Variants in KIF26A observed in about 807,000 individuals in gnomAD.
KIF26A encodes kinesin-like protein KIF26A.
KIF26A carries 74 observed loss-of-function variants against 126.0 expected under a neutral mutation model. The ratio of observed to expected loss-of-function variants is 0.59; its 90% CI spans 0.49 to 0.71. The LOEUF (loss-of-function observed/expected upper bound fraction) is 0.71, where lower values mean the gene tolerates loss of function less well. KIF26A is among the 30% of genes least tolerant of loss of function. The pLI is 0.00. For missense variants in KIF26A, 2,984 were observed against 2,763.3 expected (o/e 1.08, Z -1.79); for synonymous variants, 1,445 against 1,232.7 (o/e 1.17, Z -3.61).
In KIF26A at chr14:104,152,256, C is replaced by T. The variant is rs200710494; in HGVS notation, c.530C>T (p.Ala177Val). 111 of 1,594,798 alleles carry T rather than the reference C, an allele frequency of 7.0e-5. No homozygotes were observed. In the South Asian group the frequency reaches 8.0e-4, roughly 12 times the overall value. ...AGCTCGAGGGACACGCCAGGACCAG[C>T]GGGTCCTGCAGGGAGGCAGCCAGGA... ...TTSSRDTPGP[A>V]GPAGRQPGRA... The change falls in exon 3 of 15, where the codon GCG becomes GTG. Residue 177 changes from alanine to valine, a missense_variant. Ala to Val is a moderately conservative substitution (Grantham distance 64). Coordinates refer to ENST00000423312, the MANE Select transcript of KIF26A (RefSeq NM_015656.2). The surrounding 1 kb of genome is among the most constrained non-coding windows in gnomAD (Gnocchi z 5.9).
At chr14:104,179,493 T>C (rs775851735) in intron 14 of KIF26A, 107 bp downstream of exon 14, 72 of 1,424,698 alleles carry the variant, frequency 5.1e-5, no homozygotes, top group Admixed American at 2.4e-4. Context: ...GTGGGAAGGC[T>C]GGAAGGCAGG....
In KIF26A at chr14:104,177,443, C is replaced by G. The variant is rs1479837523; in HGVS notation, c.4655C>G (p.Thr1552Ser). ...PSVGAKAGRG[T>S]VMGTKQALRA... Reference sequence around the variant, plus strand: ...GTCGGGGCGAAGGCTGGCCGGGGTACCGTCATGGGCACAAAGCAGGCGCTC... The same window carrying G: ...GTCGGGGCGAAGGCTGGCCGGGGTAGCGTCATGGGCACAAAGCAGGCGCTC... Residue 1552 changes from threonine (T) to serine (S), a missense_variant, in exon 12 of 15, where the codon ACC (threonine) becomes AGC (serine). By Grantham distance (58) the Thr-to-Ser change is moderately conservative. Coordinates refer to ENST00000423312, the MANE Select transcript of KIF26A (RefSeq NM_015656.2). The G allele has an allele frequency of 1.3e-6, 2 of 1,522,190 alleles. No homozygotes were observed. Among genetic ancestry groups the G allele is most frequent in the Admixed American group, 2.0e-5 (1 of 49,544 alleles). 94.3% of individuals were successfully genotyped at this position (1,522,190 alleles called of 1,614,324 possible). A position where few individuals can be genotyped will look rare whatever the true frequency, so the allele number is the denominator to read the frequency against.
Position 104,175,393 on chromosome 14 carries a change from G to A in KIF26A, c.2605G>A (p.Ala869Thr), listed in dbSNP as rs199506535. 1 of 1,596,870 alleles carries A rather than the reference G, an allele frequency of 6.3e-7. No individual in the cohort carries two copies. Among genetic ancestry groups the A allele is most frequent in the Non-Finnish European group, 8.5e-7 (1 of 1,176,956 alleles). Residue 869 changes from alanine to threonine, a missense_variant, in exon 12 of 15, where the codon GCC (alanine) becomes ACC (threonine). Ala to Thr is a moderately conservative substitution (Grantham distance 58). Transcript: ENST00000423312. ...GGPGGTDGAQ[A>T]SPARGGRKPS... Reference sequence around the variant, plus strand: ...TCCAGGTGGCACCGACGGAGCTCAGGCCAGCCCCGCCCGAGGGGGCCGGAA... The same window carrying A: ...TCCAGGTGGCACCGACGGAGCTCAGACCAGCCCCGCCCGAGGGGGCCGGAA...
intron 4 of KIF26A, among the ~76,000 whole-genome samples, chr14:104,162,034 A>G (rs1469353449): frequency 6.6e-6 from 1 of 152,186 alleles, no homozygotes; most frequent in African/African-American, 2.4e-5. Flanking sequence ...TGTTGAACCC[A>G]AGCGTGGTAG....
At chr14:104,146,808 G>A (rs1293077918) in intron 2 of KIF26A, among the ~76,000 whole-genome samples, 2 of 152,174 alleles carry the variant, frequency 1.3e-5, no homozygotes, top group African/African-American at 4.8e-5. Flanking sequence ...GATGGGCCTG[G>A]CTGGAGCTCA....
rs751963452 is a variant in KIF26A at position 104,177,007 on chromosome 14, C to T, written c.4219C>T (p.Arg1407Trp). 79 of 1,551,734 alleles carry T rather than the reference C, an allele frequency of 5.1e-5. No homozygotes were observed. Among genetic ancestry groups the T allele is most frequent in the Non-Finnish European group, 5.7e-5 (66 of 1,156,070 alleles). The change falls in exon 12 of 15, where the codon CGG becomes TGG. Residue 1407 changes from arginine to tryptophan, a missense_variant. Coordinates refer to ENST00000423312, the MANE Select transcript of KIF26A (RefSeq NM_015656.2). ...GGAGGAGGAGCCCAGACCCAGCAGCCGGGCTGACCACTCTGTCCCCAGGGC... is the reference window on the plus strand; with the variant it reads ...GGAGGAGGAGCCCAGACCCAGCAGCTGGGCTGACCACTCTGTCCCCAGGGC... ...RGEEEPRPSS[R>W]ADHSVPRATS...
chr14:104,145,390 C>T (rs1001035360), intron 2 of KIF26A, among the ~76,000 whole-genome samples: 1 of 152,216 alleles, frequency 6.6e-6, no homozygotes, highest in African/African-American at 2.4e-5. Context: ...CACCTGTCCC[C>T]GACCCCAGCA....
In KIF26A at chr14:104,171,920, C is replaced by T. The variant is rs958366981; in HGVS notation, c.1311C>T (p.Pro437=). 1.9e-6 allele frequency: 3 copies of T among 1,553,788 alleles called. No individual in the cohort carries two copies. The African/African-American group carries it at 4.1e-5, about 21-fold the overall frequency. The change falls in exon 6 of 15, where the codon CCC becomes CCT. Residue 437 remains proline (P), a synonymous_variant. Coordinates refer to ENST00000423312, the MANE Select transcript of KIF26A (RefSeq NM_015656.2). ...TGTTTGCCTTCGATGCCGTCTTCCCCCAGGACTCCGAGCAGGTACGGGCAG... is the reference window on the plus strand; with the variant it reads ...TGTTTGCCTTCGATGCCGTCTTCCCTCAGGACTCCGAGCAGGTACGGGCAG... The part of the protein sequence containing the change: ...PKMFAFDAVF[P]QDSEQAEVCS...
In KIF26A at chr14:104,176,285, C is replaced by T. The variant is rs774870547; in HGVS notation, c.3497C>T (p.Pro1166Leu). The T allele has an allele frequency of 1.0e-5, 16 of 1,589,458 alleles. No homozygotes were observed. The highest frequency in any genetic ancestry group is 1.1e-5 in the South Asian group (1 of 88,214). Reference protein sequence around the residue: ...GSSGFLGPDRPDSPGPTWGPC... With the variant: ...GSSGFLGPDRLDSPGPTWGPC... ...TCTGGGTTCCTGGGGCCAGACAGAC[C>T]TGACAGTCCTGGGCCAACCTGGGGT... Residue 1166 changes from proline to leucine, a missense_variant, in exon 12 of 15, where the codon CCT becomes CTT. Transcript: ENST00000423312.
intron 4 of KIF26A, among the ~76,000 whole-genome samples, chr14:104,160,800 T>TGCGAG (rs2037826337): frequency 6.6e-6 from 1 of 152,214 alleles, no homozygotes; most frequent in Non-Finnish European, 1.5e-5. Flanking sequence ...GCTGCCATGC[T>TGCGAG]GGTATGGGGG....
At chr14:104,145,129 G>C (rs762800740) in intron 2 of KIF26A, among the ~76,000 whole-genome samples, 3 of 152,236 alleles carry the variant, frequency 2.0e-5, no homozygotes, top group Non-Finnish European at 4.4e-5. Flanking sequence ...CCCCCACCAC[G>C]GTGTGTCCTT....
At chr14:104,164,047 A>G (rs2037857677) in intron 4 of KIF26A, among the ~76,000 whole-genome samples, 1 of 152,144 alleles carries the variant, frequency 6.6e-6, no homozygotes, top group African/African-American at 2.4e-5. Context: ...ACTTTCCACG[A>G]TGACACCTCA....
rs1012254335 is a variant in KIF26A, at chr14:104,151,261, C to T, written c.289-754C>T. Among the ~76,000 whole-genome samples the T allele has an allele frequency of 6.4e-4, 97 of 152,168 alleles. No homozygotes were observed. The highest frequency in any genetic ancestry group is 5.4e-3 in the Admixed American group (83 of 15,280). On this transcript the variant is annotated intron_variant, in intron 2 of 14. Transcript: ENST00000423312. This position sits in a 1 kb window ranked among gnomAD's most constrained non-coding sequence, Gnocchi z 4.9. ...GGTTCTTCTGGCTCTTGTTTTTAGC[C>T]GTTTCTAGAACCCAGTCTCAGGGTT...
At chr14:104,170,513 A>G (rs916483089) in intron 5 of KIF26A, among the ~76,000 whole-genome samples, 1 of 152,256 alleles carries the variant, frequency 6.6e-6, no homozygotes, top group Non-Finnish European at 1.5e-5. Context: ...GTCACTTACA[A>G]TTAAATCCGT....
intron 4 of KIF26A, among the ~76,000 whole-genome samples, chr14:104,162,593 T>TG (rs1418969008): frequency 6.6e-6 from 1 of 152,130 alleles, no homozygotes; most frequent in Non-Finnish European, 1.5e-5. Flanking sequence ...CCTGGAAGCT[T>TG]GGGGGTGTGG....
intron 4 of KIF26A, among the ~76,000 whole-genome samples, chr14:104,160,145 C>T (rs529327959): frequency 2.5e-4 from 38 of 152,314 alleles, no homozygotes; most frequent in East Asian, 3.9e-4. Context: ...GATGGCAGCA[C>T]GGGACCCGTG....
rs961696588 is a variant in KIF26A at position 104,179,634 on chromosome 14, C to T, written c.5493C>T (p.Pro1831=). 1.4e-5 allele frequency: 21 copies of T among 1,540,286 alleles called. No individual in the cohort carries two copies. Among genetic ancestry groups the T allele is most frequent in the Middle Eastern group, 3.6e-4 (2 of 5,498 alleles). Residue 1831 remains proline, a synonymous_variant, in exon 15 of 15, where the codon CCC becomes CCT. Transcript: ENST00000423312. ...TTGAGGTGGACCCGGAGCTGGAGCCCGAGTCGGCCGAGTACCTGGCGGCCC... is the reference window on the plus strand; with the variant it reads ...TTGAGGTGGACCCGGAGCTGGAGCCTGAGTCGGCCGAGTACCTGGCGGCCC... The part of the protein sequence containing the change: ...EQFEVDPELE[P]ESAEYLAALE...
rs2037607843 is a variant in KIF26A at position 104,138,770 on chromosome 14, C to G, written c.42+6C>G. ...TGTGCGCTGCGCAGCCCGCGGTACGCGCGGCCCGGCCTGGAGAGGGAGGCG... is the reference window on the plus strand; with the variant it reads ...TGTGCGCTGCGCAGCCCGCGGTACGGGCGGCCCGGCCTGGAGAGGGAGGCG... On this transcript the variant is annotated splice_donor_region_variant and intron_variant, in intron 1 of 14. Coordinates refer to ENST00000423312, the MANE Select transcript of KIF26A (RefSeq NM_015656.2). The G allele has an allele frequency of 1.6e-6, 2 of 1,257,618 alleles. No individual in the cohort carries two copies. The highest frequency in any genetic ancestry group is 2.0e-6 in the Non-Finnish European group (2 of 1,004,082). 77.9% of individuals were successfully genotyped at this position (1,257,618 alleles called of 1,614,324 possible).
Position 104,173,405 on chromosome 14 carries a change from C to G in KIF26A, c.1759C>G (p.Arg587Gly). The G allele has an allele frequency of 1.3e-6, 2 of 1,583,424 alleles. No homozygotes were observed. The highest frequency in any genetic ancestry group is 8.6e-7 in the Non-Finnish European group (1 of 1,166,086). Residue 587 changes from arginine (R) to glycine (G), a missense_variant, in exon 9 of 15, where the codon CGC becomes GGC. Transcript: ENST00000423312. The part of the protein sequence containing the change: ...AFYLDAALAA[R>G]STSRAGCGED... Reference sequence around the variant, plus strand: ...CTACCTGGATGCGGCCCTGGCGGCCCGCAGCACCAGCCGAGCGGGCTGTGG... The same window carrying G: ...CTACCTGGATGCGGCCCTGGCGGCCGGCAGCACCAGCCGAGCGGGCTGTGG...
Sources: allele counts gnomAD v4.1 joint callset (sites outside exome capture counted in the v4.1 genomes callset), GRCh38; gene constraint gnomAD v4.1.1; non-coding constraint Gnocchi (gnomAD v3.1); transcripts MANE v1.5; gene names NCBI Gene and HGNC (gene_info 2026-07-23, HGNC 2026-07-21).